The following ERI1 variants were observed in gnomAD, a reference collection of about 807,000 sequenced individuals.
ERI1 encodes the protein exoribonuclease 1.
Under a neutral mutation model 39.7 loss-of-function variants are expected in ERI1, and 39 were observed. The ratio of observed to expected loss-of-function variants is 0.98; its 90% confidence interval spans 0.76 to 1.28. The LOEUF is 1.28. ERI1 is among the 50% of genes most tolerant of loss of function. The pLI, the probability that ERI1 is intolerant of heterozygous loss-of-function variation, is 0.00. For synonymous variants in ERI1, 204 were observed against 149.6 expected, an observed-to-expected ratio of 1.36 and a Z score of -2.65; for missense variants, 581 against 416.9, an observed-to-expected ratio of 1.39 and a Z score of -3.43.
chr8:9,020,566 A>T (rs1817776513), intron 6 of ERI1, 102 bp downstream of exon 6: 5 of 702,846 alleles, frequency 7.1e-6, no homozygotes, highest in Non-Finnish European at 1.1e-5. Flanking sequence ...TTCATGGAAA[A>T]AAGCCATATA....
intron 6 of ERI1, among the ~76,000 whole-genome samples, chr8:9,025,008 A>T (rs890544383): frequency 6.6e-6 from 1 of 152,150 alleles, no homozygotes; most frequent in African/African-American, 2.4e-5. Context: ...CTTTCAAATG[A>T]ATGACAGGAT....
intron 1 of ERI1, among the ~76,000 whole-genome samples, chr8:9,003,445 A>G (rs1000940586): frequency 6.6e-6 from 1 of 152,050 alleles, no homozygotes. Flanking sequence ...TTTGCTTTAA[A>G]CTTAATTCTG....
chr8:9,071,515 C>T (rs574376847), intron 3 of ERI1, among the ~76,000 whole-genome samples: 20 of 152,248 alleles, frequency 1.3e-4, no homozygotes, highest in South Asian at 8.3e-4. Context: ...GTCCTAATTA[C>T]GAAAAGAAAT....
chr8:9,018,293 T>A lies in ERI1; in HGVS notation c.583-4T>A, dbSNP rs1157871727. The A allele has an allele frequency of 6.3e-7, 1 of 1,584,020 alleles. No individual in the cohort carries two copies. The highest frequency in any genetic ancestry group is 8.6e-7 in the Non-Finnish European group (1 of 1,156,780). On this transcript the variant is annotated splice_polypyrimidine_tract_variant and splice_region_variant and intron_variant, in intron 4 of 6. Transcript: ENST00000250263. ...TTTTGTATATTTTACTTTTATATCC[T>A]CAGGATCAGGTAGACAGAGCTGATA...
chr8:9,077,490 A>G (rs953509659), intron 3 of ERI1, among the ~76,000 whole-genome samples: 1 of 129,304 alleles, frequency 7.7e-6, no homozygotes, highest in Non-Finnish European at 1.6e-5. Flanking sequence ...CAGCTGACTG[A>G]CGCTTTTATA....
At chr8:9,059,696 C>G (rs1798628216) in intron 3 of ERI1, among the ~76,000 whole-genome samples, 1 of 152,126 alleles carries the variant, frequency 6.6e-6, no homozygotes, top group South Asian at 2.1e-4. Context: ...ATAGCCTTGC[C>G]AGCAAAGATT....
At chr8:9,045,038 C>A (rs1563353623) in intron 3 of ERI1, among the ~76,000 whole-genome samples, 2 of 151,798 alleles carry the variant, frequency 1.3e-5, no homozygotes, top group African/African-American at 4.8e-5. Flanking sequence ...GAGATCGAGA[C>A]CATCCTGGCT....
chr8:9,004,229 C>G, intron 1 of ERI1: 1 of 1,252,356 alleles, frequency 8.0e-7, no homozygotes, highest in South Asian at 1.3e-5. Context: ...CACATCCCTT[C>G]TCTTGTAAAG....
chr8:9,037,450 T>C (rs1563347865), downstream of ERI1, among the ~76,000 whole-genome samples: 1 of 152,042 alleles, frequency 6.6e-6, no homozygotes, highest in Non-Finnish European at 1.5e-5. Context: ...GTTACATTCA[T>C]TGGGCCCTTC....
rs751601007 is a variant in ERI1, at chr8:9,018,259, A to G, written c.583-38A>G. 3 of 1,267,038 alleles carry G rather than the reference A, an allele frequency of 2.4e-6. No individual in the cohort carries two copies. The East Asian group carries it at 6.9e-5, about 29-fold the overall frequency. The allele number at this position is 1,267,038 out of a possible 1,614,324, so 78.5% of individuals were successfully genotyped here. Reference sequence around the variant, plus strand: ...ATTTTGTAGGTCTACGTGAAGCTGCAGCCCTGATTTTTGTATATTTTACTT... The same window carrying G: ...ATTTTGTAGGTCTACGTGAAGCTGCGGCCCTGATTTTTGTATATTTTACTT... On this transcript the variant is annotated intron_variant, in intron 4 of 6. Transcript: ENST00000250263.
At chr8:9,036,043 A>G (rs1338570138), downstream of ERI1, among the ~76,000 whole-genome samples, 6 of 152,344 alleles carry the variant, frequency 3.9e-5, no homozygotes, top group African/African-American at 1.2e-4. Flanking sequence ...GCCTCATGAT[A>G]AAACTTGAGG....
chr8:9,072,205 T>C (rs1200822741), intron 3 of ERI1, among the ~76,000 whole-genome samples: 1 of 152,232 alleles, frequency 6.6e-6, no homozygotes, highest in African/African-American at 2.4e-5. Flanking sequence ...ATCAGTGTCC[T>C]TTGGTTTTAC....
rs149312530 is a variant in ERI1 at position 9,074,676 on chromosome 8, C to T, written n.300-41672C>T. Among the ~76,000 whole-genome samples, 1,146 of 152,312 alleles carry T rather than the reference C, an allele frequency of 7.5e-3. 9 individuals are homozygous for T. The highest frequency in any genetic ancestry group is 0.01 in the Non-Finnish European group (681 of 68,030). ...CTCAAACTCCTGGACTCAAGTGATC[C>T]TCCCGTCTTGGGCTTCCAAAGTTGC... On this transcript the variant is annotated intron_variant and non_coding_transcript_variant, in intron 3 of 3. Transcript: ENST00000518663.
Position 9,003,093 on chromosome 8 carries a change from C to T in ERI1, c.30C>T (p.Ala10=), listed in dbSNP as rs2117156193. 4 of 1,247,782 alleles carry T rather than the reference C, an allele frequency of 3.2e-6. No homozygotes were observed. The East Asian group carries it at 1.3e-4, about 39-fold the overall frequency. The allele number at this position is 1,247,782 out of a possible 1,614,324, so 77.3% of individuals were successfully genotyped here. ...AGGATCCACAGAGTAAAGAGCCTGCCGGCGAGGCCGTGGCTCTCGCGCTGC... is the reference window on the plus strand; with the variant it reads ...AGGATCCACAGAGTAAAGAGCCTGCTGGCGAGGCCGTGGCTCTCGCGCTGC... MEDPQSKEP[A]GEAVALALLE... The change falls in exon 1 of 7, where the codon GCC becomes GCT. Residue 10 remains alanine, a synonymous_variant. Transcript: ENST00000250263.
rs570569236 is a variant in ERI1 at position 9,074,348 on chromosome 8, C to A, written n.300-42000C>A. ...CTGGACTTGAACTCCTGACCTTGAACTCCTGACCTCAAGTGATCTGCCCTC... is the reference window on the plus strand; with the variant it reads ...CTGGACTTGAACTCCTGACCTTGAAATCCTGACCTCAAGTGATCTGCCCTC... On this transcript the variant is annotated intron_variant and non_coding_transcript_variant, in intron 3 of 3. Transcript: ENST00000518663. Among the ~76,000 whole-genome samples, 3 of 151,680 alleles carry A rather than the reference C, an allele frequency of 2.0e-5. No individual in the cohort carries two copies. The South Asian group carries it at 6.2e-4, about 32-fold the overall frequency.
At chr8:9,016,220 A>T (rs1426381230) in intron 3 of ERI1, 102 bp from the exon 4 acceptor site, 1 of 547,936 alleles carries the variant, frequency 1.8e-6, no homozygotes, top group Admixed American at 2.9e-5. Flanking sequence ...ATGCCGTGAG[A>T]TCCTATGAAA....
intron 3 of ERI1, among the ~76,000 whole-genome samples, chr8:9,045,589 G>A (rs530050989): frequency 2.8e-4 from 42 of 152,048 alleles, no homozygotes; most frequent in African/African-American, 9.9e-4. Context: ...TTGAGCCCAG[G>A]AATTTGAGAT....
At chr8:9,023,919 C>G (rs1818195309) in intron 6 of ERI1, among the ~76,000 whole-genome samples, 1 of 151,026 alleles carries the variant, frequency 6.6e-6, no homozygotes, top group South Asian at 2.1e-4. Flanking sequence ...CTGCCTCAGC[C>G]TCCCGAGTAG....
intron 3 of ERI1, among the ~76,000 whole-genome samples, chr8:9,042,715 G>A (rs1401154179): frequency 1.3e-5 from 2 of 152,202 alleles, no homozygotes; most frequent in Non-Finnish European, 2.9e-5. Flanking sequence ...TCCCTAGTGC[G>A]AGAATCAGAA....
Sources: gnomAD v4.1 joint callset for allele counts (sites outside exome capture counted in the v4.1 genomes callset) on GRCh38, gnomAD v4.1.1 for gene constraint, MANE v1.5 for transcripts, NCBI Gene and HGNC (gene_info 2026-07-23, HGNC 2026-07-21) for gene names.